Variants in LIPC observed in about 807,000 individuals in gnomAD.
LIPC encodes the protein hepatic triacylglycerol lipase.
In LIPC, 44 loss-of-function variants were observed where a neutral mutation model predicts 50.7. That is an observed-to-expected ratio of 0.87 (90% CI 0.68 to 1.11). The LOEUF (loss-of-function observed/expected upper bound fraction) is 1.11. Among genes scored for constraint, LIPC ranks in the 50% most tolerant of loss-of-function variants. The pLI is 0.00. For missense variants in LIPC, 697 were observed against 648.2 expected (o/e 1.08, Z -0.82); for synonymous variants, 271 against 256.4 (o/e 1.06, Z -0.54).
intron 1 of LIPC, among the ~76,000 whole-genome samples, chr15:58,443,811 T>A (rs1423170522): frequency 1.3e-5 from 2 of 152,094 alleles, no homozygotes; most frequent in African/African-American, 4.8e-5. Context: ...TTCTTACAGG[T>A]TTTGGGATAG....
At chr15:58,536,027 C>T (rs554043740) in intron 1 of LIPC, among the ~76,000 whole-genome samples, 42 of 152,326 alleles carry the variant, frequency 2.8e-4, no homozygotes, top group Admixed American at 2.4e-3. Flanking sequence ...GGGCTACCCT[C>T]CATGAGTTCG....
chr15:58,525,655 A>G (rs1892778937), intron 1 of LIPC, among the ~76,000 whole-genome samples: 1 of 152,132 alleles, frequency 6.6e-6, no homozygotes, highest in Non-Finnish European at 1.5e-5. Context: ...AAGGCCAAAT[A>G]GGAGACCTAT....
Position 58,548,383 on chromosome 15 carries a change from G to T in LIPC, c.862G>T (p.Asp288Tyr), listed in dbSNP as rs761575901. The change falls in exon 6 of 9, where the codon GAC becomes TAC. Residue 288 changes from aspartate to tyrosine, a missense_variant. By Grantham distance (160) the Asp-to-Tyr change is radical. Coordinates refer to ENST00000299022, the MANE Select transcript of LIPC (RefSeq NM_000236.3). ...SHERSVHLFIDSLLHAGTQSM... is the reference protein window; with the variant it reads ...SHERSVHLFIYSLLHAGTQSM... The stretch of plus-strand genomic sequence containing the variant: ...CGAGCGATCGGTGCACCTTTTCATC[G>T]ACTCCTTGCTGCACGCCGGCACGCA... 6.2e-7 allele frequency: 1 copy of T among 1,614,054 alleles called. No homozygotes were observed. The highest frequency in any genetic ancestry group is 8.5e-7 in the Non-Finnish European group (1 of 1,180,008).
At chr15:58,461,836 C>A (rs1009940364) in intron 1 of LIPC, among the ~76,000 whole-genome samples, 2 of 152,108 alleles carry the variant, frequency 1.3e-5, no homozygotes, top group Non-Finnish European at 2.9e-5. Context: ...CCTTGTCTCC[C>A]CCCGGTTCCG....
At chr15:58,505,408 T>C (rs1007844015) in intron 1 of LIPC, among the ~76,000 whole-genome samples, 1 of 152,214 alleles carries the variant, frequency 6.6e-6, no homozygotes, top group Non-Finnish European at 1.5e-5. Flanking sequence ...GATCAAATGA[T>C]TTAATATACA....
intron 1 of LIPC, among the ~76,000 whole-genome samples, chr15:58,456,788 T>C (rs1894134783): frequency 6.6e-6 from 1 of 152,240 alleles, no homozygotes; most frequent in African/African-American, 2.4e-5. Flanking sequence ...CCTCTGTCTT[T>C]TTAGGGCTTC....
intron 1 of LIPC, among the ~76,000 whole-genome samples, chr15:58,477,134 CAG>C (rs1435393887): frequency 3.9e-5 from 6 of 152,202 alleles, no homozygotes; most frequent in Non-Finnish European, 7.3e-5. Flanking sequence ...CCACAGGCAT[CAG>C]AGGATGAAGC....
intron 1 of LIPC, among the ~76,000 whole-genome samples, chr15:58,470,200 G>A (rs1894743038): frequency 6.6e-6 from 1 of 152,266 alleles, no homozygotes; most frequent in Admixed American, 6.5e-5. Context: ...CCAAAGTGCT[G>A]AGATTACAGG....
intron 1 of LIPC, among the ~76,000 whole-genome samples, chr15:58,516,046 G>C (rs906472604): frequency 1.3e-5 from 2 of 152,080 alleles, no homozygotes; most frequent in Non-Finnish European, 2.9e-5. Context: ...GCTAGGCTTT[G>C]AGGATGAGTT....
At chr15:58,459,535 C>T (rs562265734) in intron 1 of LIPC, among the ~76,000 whole-genome samples, 1 of 152,074 alleles carries the variant, frequency 6.6e-6, no homozygotes, top group Non-Finnish European at 1.5e-5. Context: ...AAGTCCCACC[C>T]GCTCCTGAAA....
At chr15:58,498,872 T>G (rs1311027404) in intron 1 of LIPC, 2 of 152,262 alleles carry the variant, frequency 1.3e-5, no homozygotes, top group African/African-American at 2.4e-5. Flanking sequence ...AGGGAAAGAA[T>G]GCTGTGCGTG....
chr15:58,520,782 T>C (rs1892630941), intron 1 of LIPC, among the ~76,000 whole-genome samples: 2 of 152,218 alleles, frequency 1.3e-5, no homozygotes, highest in African/African-American at 4.8e-5. Flanking sequence ...ACACTTCCCA[T>C]ATTTATTTGG....
At chr15:58,563,149 G>C (rs563292308) in intron 7 of LIPC, among the ~76,000 whole-genome samples, 5 of 152,306 alleles carry the variant, frequency 3.3e-5, no homozygotes, top group South Asian at 2.1e-4. Context: ...TAAACCTACA[G>C]AGAGCTGAAC....
At chr15:58,471,122 TTTTTC>T (rs1472746047) in intron 1 of LIPC, among the ~76,000 whole-genome samples, 1 of 150,776 alleles carries the variant, frequency 6.6e-6, no homozygotes, top group Non-Finnish European at 1.5e-5. Context: ...TAGGATTTTT[TTTTTC>T]TTTTCTCTTT....
At chr15:58,442,141 G>A (rs1893528977) in intron 1 of LIPC, among the ~76,000 whole-genome samples, 1 of 152,290 alleles carries the variant, frequency 6.6e-6, no homozygotes, top group Admixed American at 6.5e-5. Context: ...GATCTCTCAG[G>A]AGTAATAGTG....
At chr15:58,544,026 G>A (rs1050292537) in intron 4 of LIPC, among the ~76,000 whole-genome samples, 32 of 152,350 alleles carry the variant, frequency 2.1e-4, no homozygotes, top group African/African-American at 7.7e-4. Context: ...CGTTTCAACA[G>A]AATACACTTG....
intron 1 of LIPC, among the ~76,000 whole-genome samples, chr15:58,515,533 C>CACACACACAT (rs147594972): frequency 7.1e-6 from 1 of 141,696 alleles, no homozygotes; most frequent in African/African-American, 2.7e-5. Context: ...TATACACACA[C>CACACACACAT]ATATATATAT....
At chr15:58,475,398 C>T (rs749036531) in intron 1 of LIPC, among the ~76,000 whole-genome samples, 3 of 152,350 alleles carry the variant, frequency 2.0e-5, no homozygotes, top group East Asian at 3.9e-4. Flanking sequence ...AGGCCCTTCA[C>T]CATCTGCCTC....
intron 1 of LIPC, among the ~76,000 whole-genome samples, chr15:58,527,791 T>TAATG (rs113308338): frequency 7.0e-4 from 105 of 150,046 alleles, no homozygotes; most frequent in Admixed American, 8.5e-4. Flanking sequence ...ATAAATGAAT[T>TAATG]AATGAATGAA....
Sources: gnomAD v4.1 joint callset for allele counts (sites outside exome capture counted in the v4.1 genomes callset) on GRCh38, gnomAD v4.1.1 for gene constraint, MANE v1.5 for transcripts, NCBI Gene and HGNC (gene_info 2026-07-23, HGNC 2026-07-21) for gene names.